RPS6KA5: variants seen among roughly 807,000 people sequenced by gnomAD.
RPS6KA5 encodes the protein ribosomal protein S6 kinase A5.
Under a neutral mutation model 85.5 loss-of-function variants are expected in RPS6KA5, and 27 were observed. The observed-to-expected ratio is 0.32, with a 90% CI of 0.23 to 0.44. The LOEUF is 0.44. Among genes scored for constraint, RPS6KA5 ranks in the 20% least tolerant of loss-of-function variants. The pLI is 1.00. For synonymous variants in RPS6KA5, 334 were observed against 348.2 expected, an observed-to-expected ratio of 0.96 and a Z score of 0.46; for missense variants, 811 against 980.9, an observed-to-expected ratio of 0.83 and a Z score of 2.31.
chr14:90,945,004 C>T (rs1271081776), intron 4 of RPS6KA5, among the ~76,000 whole-genome samples: 1 of 151,206 alleles, frequency 6.6e-6, no homozygotes, highest in African/African-American at 2.4e-5. Context: ...GTAATTCCAG[C>T]AGTTTGGGAA....
chr14:91,037,977 A>G (rs1172488074), intron 1 of RPS6KA5, among the ~76,000 whole-genome samples: 1 of 152,134 alleles, frequency 6.6e-6, no homozygotes, highest in Non-Finnish European at 1.5e-5. Context: ...CTATGCTGAG[A>G]TTGTGTCTAG....
At position 90,917,876 on chromosome 14, in the gene RPS6KA5, C is replaced by T. The variant is rs148602885; in HGVS notation, c.806+2330G>A. Among the ~76,000 whole-genome samples the T allele has an allele frequency of 4.6e-3, 707 of 152,296 alleles. 4 individuals are homozygous for T. The highest frequency in any genetic ancestry group is 0.027 in the Middle Eastern group (8 of 294). On this transcript the variant is annotated intron_variant, in intron 7 of 16. Coordinates refer to ENST00000614987, the MANE Select transcript of RPS6KA5 (RefSeq NM_004755.4). ...CACATGTCTTAGATAAATTCCTTTT[C>T]ATTGCTAAGGAGTATTCCATTTGTA...
rs2032482838 is a variant in RPS6KA5, at chr14:90,860,381, A to G, written c.*11693T>C. ...AAGCCCCATCTCTACTAAAAACACA[A>G]AAATTAGCCAGGCGTGGTGGTGCAT... On this transcript the variant is annotated 3_prime_UTR_variant, in exon 17 of 17. Transcript: ENST00000614987. The G allele has an allele frequency of 6.6e-6, 1 of 152,194 alleles. No homozygotes were observed. The highest frequency in any genetic ancestry group is 1.5e-5 in the Non-Finnish European group (1 of 68,086). The allele number at this position is 152,194 out of a possible 1,614,324, so 9.4% of individuals were successfully genotyped here. A position where few individuals can be genotyped will look rare whatever the true frequency, so the allele number is the denominator to read the frequency against.
intron 4 of RPS6KA5, 113 bp downstream of exon 4, chr14:90,947,322 C>T: frequency 3.3e-6 from 2 of 601,404 alleles, no homozygotes; most frequent in South Asian, 2.7e-5. Flanking sequence ...TATAAGTATG[C>T]TTTCATAATC....
At chr14:90,875,082 C>A in intron 15 of RPS6KA5, 119 bp downstream of exon 15, 2 of 955,246 alleles carry the variant, frequency 2.1e-6, no homozygotes, top group South Asian at 3.4e-5. Context: ...AGCCTGGAAG[C>A]CTTTTAGAAT....
intron 1 of RPS6KA5, among the ~76,000 whole-genome samples, chr14:91,043,401 C>T (rs866319721): frequency 6.6e-6 from 1 of 152,196 alleles, no homozygotes; most frequent in African/African-American, 2.4e-5. Flanking sequence ...GCTCCTGACC[C>T]ATATCCTACT....
At chr14:91,022,382 C>T (rs1052942150) in intron 1 of RPS6KA5, among the ~76,000 whole-genome samples, 8 of 152,198 alleles carry the variant, frequency 5.3e-5, no homozygotes, top group African/African-American at 1.9e-4. Flanking sequence ...ATGTCCATGT[C>T]TCTACCTAGT....
At chr14:90,873,823 G>T in intron 15 of RPS6KA5, 28 bp from the exon 16 acceptor site, 1 of 1,590,912 alleles carries the variant, frequency 6.3e-7, no homozygotes, top group South Asian at 1.1e-5. Context: ...TTTATTTTAT[G>T]ATTTGTCATT....
chr14:90,936,992 GGCCA>G lies in RPS6KA5; in HGVS notation c.618+6082_618+6085del, dbSNP rs1440619847. ...GGTCTTGAGCCCAGAAGAGAAGGTT[GGCCA>G]AGAGAAGGCTGGGAATGAGCAGCAT... On this transcript the variant is annotated intron_variant, in intron 5 of 16. Transcript: ENST00000614987. 4.6e-5 allele frequency among the ~76,000 whole-genome samples: 7 copies of G among 152,072 alleles called. No individual in the cohort carries two copies. The South Asian group carries it at 1.5e-3, about 32-fold the overall frequency.
chr14:90,921,769 C>T (rs1044674377), intron 6 of RPS6KA5, among the ~76,000 whole-genome samples: 2 of 152,018 alleles, frequency 1.3e-5, no homozygotes, highest in African/African-American at 2.4e-5. Context: ...AGGAAGGAGA[C>T]CAAAGATTCT....
At chr14:90,903,210 G>T (rs990776623) in intron 8 of RPS6KA5, among the ~76,000 whole-genome samples, 1 of 152,180 alleles carries the variant, frequency 6.6e-6, no homozygotes, top group South Asian at 2.1e-4. Flanking sequence ...TGTCCTCTGG[G>T]GGGCACCAAG....
Position 91,020,614 on chromosome 14 carries a change from T to TTGTGTGTGTGTG in RPS6KA5, c.104-19467_104-19456dup, listed in dbSNP as rs71117396. 6.7e-3 allele frequency among the ~76,000 whole-genome samples: 613 copies of TTGTGTGTGTGTG among 91,320 alleles called. 47 individuals carry two copies. Among genetic ancestry groups the TTGTGTGTGTGTG allele is most frequent in the South Asian group, 0.018 (41 of 2,288 alleles). 59.9% of individuals were successfully genotyped at this position (91,320 alleles called of 152,430 possible). A position where few individuals can be genotyped will look rare whatever the true frequency, so the allele number is the denominator to read the frequency against. On this transcript the variant is annotated intron_variant, in intron 1 of 16. Transcript: ENST00000614987. ...TGTGTATGTGTATGTATATATCCTA[T>TTGTGTGTGTGTG]TGTGTGTGTGTGTGTGTGTGTGTGT... is the stretch of plus-strand genomic sequence containing the variant.
At chr14:90,978,092 G>A (rs2140478612) in intron 3 of RPS6KA5, among the ~76,000 whole-genome samples, 1 of 152,162 alleles carries the variant, frequency 6.6e-6, no homozygotes, top group South Asian at 2.1e-4. Context: ...AAAAGAGTGT[G>A]GAATAGAAGG....
chr14:90,992,542 A>G (rs1387939316), intron 2 of RPS6KA5, among the ~76,000 whole-genome samples: 1 of 152,240 alleles, frequency 6.6e-6, no homozygotes, highest in African/African-American at 2.4e-5. Context: ...GATATTAAAA[A>G]TTTCACATAT....
chr14:90,947,331 T>C, intron 4 of RPS6KA5, 104 bp downstream of exon 4: 1 of 629,520 alleles, frequency 1.6e-6, no homozygotes, highest in Non-Finnish European at 2.8e-6. Context: ...GCTTTCATAA[T>C]CTCCACTAAG....
intron 5 of RPS6KA5, among the ~76,000 whole-genome samples, chr14:90,942,015 C>T (rs72697530): frequency 0.043 from 6,555 of 152,228 alleles, 193 homozygotes; most frequent in Non-Finnish European, 0.058. Flanking sequence ...CAAAGATGAT[C>T]AATTTACTGT....
At chr14:90,928,536 T>C (rs929444846) in intron 5 of RPS6KA5, among the ~76,000 whole-genome samples, 7 of 151,806 alleles carry the variant, frequency 4.6e-5, no homozygotes, top group African/African-American at 1.7e-4. Flanking sequence ...ATATCAGTAA[T>C]TTAAAATAAA....
chr14:90,868,486 CA>C lies in RPS6KA5; in HGVS notation c.*3587del, dbSNP rs1274829847. ...TTCATCTATATAACAATTATTTTGA[CA>C]TAAGTGGCATATCAGAATTTAACTT... On this transcript the variant is annotated 3_prime_UTR_variant, in exon 17 of 17. Transcript: ENST00000614987. 1 of 152,086 alleles carries C rather than the reference CA, an allele frequency of 6.6e-6. No individual in the cohort carries two copies. Among genetic ancestry groups the C allele is most frequent in the Non-Finnish European group, 1.5e-5 (1 of 68,000 alleles). 9.4% of individuals were successfully genotyped at this position (152,086 alleles called of 1,614,324 possible).
At chr14:90,906,022 A>T in intron 8 of RPS6KA5, 127 bp downstream of exon 8, 1 of 866,210 alleles carries the variant, frequency 1.2e-6, no homozygotes, top group Middle Eastern at 2.4e-4. Flanking sequence ...CAAAAGGTGC[A>T]ATGTACGTGA....
Sources: gnomAD v4.1 joint callset for allele counts (sites outside exome capture counted in the v4.1 genomes callset) on GRCh38, gnomAD v4.1.1 for gene constraint, MANE v1.5 for transcripts, NCBI Gene and HGNC (gene_info 2026-07-23, HGNC 2026-07-21) for gene names.